TMEM132C: variants seen among roughly 807,000 people sequenced by gnomAD.
The protein encoded by TMEM132C is transmembrane protein 132C.
In TMEM132C, 29 loss-of-function variants were observed where a neutral mutation model predicts 61.4. The observed-to-expected ratio is 0.47, with a 90% CI of 0.35 to 0.64. TMEM132C has a LOEUF of 0.64. Among genes scored for constraint, TMEM132C ranks in the 30% least tolerant of loss-of-function variants. The probability of loss-of-function intolerance (pLI) is 0.00; values close to 1 mark genes in which losing one functional copy is unlikely to be tolerated. For missense variants in TMEM132C, 1,408 were observed against 1,476.9 expected (o/e 0.95, Z 0.76); for synonymous variants, 656 against 633.1 (o/e 1.04, Z -0.54).
intron 2 of TMEM132C, among the ~76,000 whole-genome samples, chr12:128,526,396 G>T (rs1407695780): frequency 6.6e-6 from 1 of 152,148 alleles, no homozygotes; most frequent in Non-Finnish European, 1.5e-5. Flanking sequence ...AGTGGATGAG[G>T]CTCCCTTAGT....
At chr12:128,523,686 TA>T (rs1193888174) in intron 2 of TMEM132C, among the ~76,000 whole-genome samples, 1 of 151,236 alleles carries the variant, frequency 6.6e-6, no homozygotes, top group Non-Finnish European at 1.5e-5. Context: ...GAAAAATCTG[TA>T]AAAAAATAAA....
chr12:128,427,631 T>G (rs1190345004), intron 2 of TMEM132C, among the ~76,000 whole-genome samples: 1 of 152,022 alleles, frequency 6.6e-6, no homozygotes, highest in Non-Finnish European at 1.5e-5. Context: ...CTCTCGATAC[T>G]CCATCCAGCT....
intron 8 of TMEM132C, among the ~76,000 whole-genome samples, 164 bp from the exon 9 acceptor site, chr12:128,704,926 T>G (rs553916848): frequency 6.6e-6 from 1 of 152,370 alleles, no homozygotes; most frequent in Non-Finnish European, 1.5e-5. Flanking sequence ...AGGTGGTTTC[T>G]CTGCCCCTGA....
chr12:128,327,543 C>T (rs370952438), intron 1 of TMEM132C, among the ~76,000 whole-genome samples: 8 of 151,858 alleles, frequency 5.3e-5, no homozygotes, highest in South Asian at 2.1e-4. Context: ...CCACCATGCC[C>T]GGCTAATTTT....
chr12:128,359,779 T>C (rs1030452716), intron 1 of TMEM132C, among the ~76,000 whole-genome samples: 2 of 152,124 alleles, frequency 1.3e-5, no homozygotes, highest in African/African-American at 4.8e-5. Flanking sequence ...TGGGGGATCA[T>C]GTTGGTGTTA....
At chr12:128,502,714 C>T (rs1256247473) in intron 2 of TMEM132C, among the ~76,000 whole-genome samples, 1 of 152,170 alleles carries the variant, frequency 6.6e-6, no homozygotes, top group Non-Finnish European at 1.5e-5. Flanking sequence ...CTAGCCAAGG[C>T]AACAGGTTCA....
chr12:128,445,249 CTAATT>C (rs1179007498), intron 2 of TMEM132C, among the ~76,000 whole-genome samples: 1 of 151,442 alleles, frequency 6.6e-6, no homozygotes, highest in Admixed American at 6.6e-5. Context: ...ATTTGGCCAT[CTAATT>C]TAAACAGTTC....
chr12:128,474,976 T>G (rs1188158113), intron 2 of TMEM132C, among the ~76,000 whole-genome samples: 1 of 152,092 alleles, frequency 6.6e-6, no homozygotes, highest in Non-Finnish European at 1.5e-5. Flanking sequence ...CCCGGGACAA[T>G]GACTTACCTA....
intron 4 of TMEM132C, among the ~76,000 whole-genome samples, chr12:128,622,237 G>A (rs558968409): frequency 4.7e-5 from 7 of 149,774 alleles, no homozygotes; most frequent in Non-Finnish European, 1.0e-4. Context: ...CCAGCTACTC[G>A]GGAGGCTGAG....
chr12:128,347,126 T>C (rs1873182888), intron 1 of TMEM132C, among the ~76,000 whole-genome samples: 2 of 152,160 alleles, frequency 1.3e-5, no homozygotes, highest in Admixed American at 6.5e-5. Flanking sequence ...CCTTCTTATG[T>C]CCTGGCATCT....
intron 6 of TMEM132C, 86 bp downstream of exon 6, chr12:128,694,120 G>A: frequency 7.2e-7 from 1 of 1,396,856 alleles, no homozygotes; most frequent in African/African-American, 1.4e-5. Context: ...ATGCTTAAGA[G>A]ATGCTGGTAT....
intron 1 of TMEM132C, among the ~76,000 whole-genome samples, chr12:128,395,902 A>C (rs73438639): frequency 0.053 from 8,045 of 152,264 alleles, 629 homozygotes; most frequent in African/African-American, 0.18. Flanking sequence ...GAGTCAATAA[A>C]AAAAAAGGTT....
At chr12:128,504,466 G>A (rs1872288408) in intron 2 of TMEM132C, among the ~76,000 whole-genome samples, 1 of 152,162 alleles carries the variant, frequency 6.6e-6, no homozygotes, top group Non-Finnish European at 1.5e-5. Flanking sequence ...AGCTCAGGCT[G>A]CCATAAGATG....
At chr12:128,454,783 G>A (rs1433345735) in intron 2 of TMEM132C, among the ~76,000 whole-genome samples, 1 of 152,200 alleles carries the variant, frequency 6.6e-6, no homozygotes, top group East Asian at 1.9e-4. Context: ...AGAGGTTTGT[G>A]TGCAAACCGA....
intron 2 of TMEM132C, among the ~76,000 whole-genome samples, chr12:128,513,058 C>T (rs1357093361): frequency 1.3e-5 from 2 of 152,030 alleles, no homozygotes; most frequent in Non-Finnish European, 2.9e-5. Context: ...GGGAGAGGTG[C>T]TGTGAGGAGA....
At chr12:128,659,720 A>T (rs928253297) in intron 4 of TMEM132C, among the ~76,000 whole-genome samples, 7 of 152,220 alleles carry the variant, frequency 4.6e-5, no homozygotes, top group African/African-American at 1.7e-4. Flanking sequence ...TGGATAGATG[A>T]TTGAAGACGG....
At chr12:128,624,216 G>T (rs368062064) in intron 4 of TMEM132C, among the ~76,000 whole-genome samples, 1 of 152,112 alleles carries the variant, frequency 6.6e-6, no homozygotes, top group African/African-American at 2.4e-5. Context: ...TTGGGCAAGT[G>T]ATTTGACTTC....
At chr12:128,390,665 G>A (rs1359013346) in intron 1 of TMEM132C, among the ~76,000 whole-genome samples, 2 of 152,260 alleles carry the variant, frequency 1.3e-5, no homozygotes, top group Non-Finnish European at 1.5e-5. Context: ...CTAGGAGAGG[G>A]GACATTATTC....
intron 1 of TMEM132C, among the ~76,000 whole-genome samples, chr12:128,353,859 C>G (rs911342182): frequency 1.3e-5 from 2 of 152,190 alleles, no homozygotes; most frequent in Non-Finnish European, 2.9e-5. Flanking sequence ...CACAAAGATG[C>G]GCTCTGTGAG....
Sources: gnomAD v4.1 joint callset for allele counts (sites outside exome capture counted in the v4.1 genomes callset) on GRCh38, gnomAD v4.1.1 for gene constraint, MANE v1.5 for transcripts, NCBI Gene and HGNC (gene_info 2026-07-23, HGNC 2026-07-21) for gene names.